Variants in UMAD1 observed in about 807,000 individuals in gnomAD.
UMAD1 encodes UBAP1-MVB12-associated (UMA)-domain containing protein 1.
A neutral mutation model predicts 6.1 loss-of-function variants in UMAD1; 8 were observed. The ratio of observed to expected loss-of-function variants is 1.30; its 90% CI spans 0.76 to 2.35. UMAD1 has a LOEUF of 2.35. Among genes scored for constraint, UMAD1 ranks in the 30% most tolerant of loss-of-function variants. The probability of loss-of-function intolerance (pLI) is 0.00; values close to 1 mark genes in which losing one functional copy is unlikely to be tolerated. For missense variants in UMAD1, 130 were observed against 78.4 expected (o/e 1.66, Z -2.49); for synonymous variants, 56 against 31.4 (o/e 1.78, Z -2.61).
intron 3 of UMAD1, among the ~76,000 whole-genome samples, chr7:7,838,159 AAG>A (rs139420815): frequency 0.055 from 8,430 of 152,206 alleles, 594 homozygotes; most frequent in East Asian, 0.2. Context: ...CATTTTCTGA[AAG>A]AGAGGCCAGA....
chr7:7,819,269 G>A (rs1191926048), intron 3 of UMAD1, among the ~76,000 whole-genome samples: 3 of 152,272 alleles, frequency 2.0e-5, no homozygotes, highest in Non-Finnish European at 2.9e-5. Context: ...TAAATGACAA[G>A]CATCTGAAGA....
At position 7,847,101 on chromosome 7, in the gene UMAD1, AAAAATATAT is replaced by A. The variant is rs1296002812; in HGVS notation, c.157-30178_157-30170del. ...AGACAGCAATGCAAAAAAAAAAAAA[AAAAATATAT>A]ATATATATATATATATATATATATA... is the stretch of plus-strand genomic sequence containing the variant. On this transcript the variant is annotated intron_variant, in intron 3 of 3. Coordinates refer to ENST00000682710, the MANE Select transcript of UMAD1 (RefSeq NM_001302348.2). Among the ~76,000 whole-genome samples, 23 of 32,138 alleles carry A rather than the reference AAAAATATAT, an allele frequency of 7.2e-4. 1 individual carries two copies. The highest frequency in any genetic ancestry group is 1.5e-3 in the African/African-American group (6 of 4,118). 21.1% of individuals were successfully genotyped at this position (32,138 alleles called of 152,430 possible). A position where few individuals can be genotyped will look rare whatever the true frequency, so the allele number is the denominator to read the frequency against.
intron 3 of UMAD1, among the ~76,000 whole-genome samples, chr7:7,852,489 T>C (rs1045410566): frequency 2.0e-5 from 3 of 152,164 alleles, no homozygotes; most frequent in African/African-American, 7.2e-5. Context: ...ACAGACCAGC[T>C]TTAAGTTGGG....
intron 1 of UMAD1, among the ~76,000 whole-genome samples, chr7:7,651,174 G>A (rs1387471061): frequency 6.6e-6 from 1 of 152,176 alleles, no homozygotes; most frequent in Non-Finnish European, 1.5e-5. Flanking sequence ...AAAAATATAT[G>A]GCTAAATCAA....
chr7:7,782,242 T>C (rs1178901828), intron 2 of UMAD1, among the ~76,000 whole-genome samples: 1 of 118,628 alleles, frequency 8.4e-6, no homozygotes, highest in Non-Finnish European at 2.0e-5. Flanking sequence ...TTAGGATAAA[T>C]AAGGGAAAAA....
chr7:7,723,294 T>C (rs1257578424), intron 2 of UMAD1, among the ~76,000 whole-genome samples: 1 of 152,100 alleles, frequency 6.6e-6, no homozygotes, highest in African/African-American at 2.4e-5. Flanking sequence ...GGAAGGAACA[T>C]AGAGTTAGAT....
intron 2 of UMAD1, among the ~76,000 whole-genome samples, chr7:7,723,828 T>C (rs1365577268): frequency 6.6e-6 from 1 of 152,208 alleles, no homozygotes; most frequent in Non-Finnish European, 1.5e-5. Context: ...ATCAGAATAG[T>C]CTGACTCGTG....
Position 7,835,832 on chromosome 7 carries a change from A to G in UMAD1, c.156+34089A>G, listed in dbSNP as rs192157861. Among the ~76,000 whole-genome samples, 9 of 151,914 alleles carry G rather than the reference A, an allele frequency of 5.9e-5. No individual in the cohort carries two copies. The East Asian group carries it at 1.3e-3, about 23-fold the overall frequency. On this transcript the variant is annotated intron_variant, in intron 3 of 3. Coordinates refer to ENST00000682710, the MANE Select transcript of UMAD1 (RefSeq NM_001302348.2). ...TGTAGTCTATTTAGTTTTTAGTTCCATTTAGTTATGAGTAATATCTTGCTT... is the reference window on the plus strand; with the variant it reads ...TGTAGTCTATTTAGTTTTTAGTTCCGTTTAGTTATGAGTAATATCTTGCTT...
At chr7:7,643,454 T>A (rs1785020752) in intron 1 of UMAD1, among the ~76,000 whole-genome samples, 1 of 152,214 alleles carries the variant, frequency 6.6e-6, no homozygotes, top group African/African-American at 2.4e-5. Context: ...CTCACGCCTG[T>A]AATCCCAGCA....
At chr7:7,821,973 CATATTACTGTAATATTACATTA>C (rs1355650403) in intron 3 of UMAD1, among the ~76,000 whole-genome samples, 1 of 152,008 alleles carries the variant, frequency 6.6e-6, no homozygotes, top group Non-Finnish European at 1.5e-5. Flanking sequence ...TATATTATTA[CATATTACTGTAATATTACATTA>C]ATATTACTTA....
In UMAD1 at chr7:7,765,981, A is replaced by C. The variant is rs371709093; in HGVS notation, c.83-35689A>C. 1.9e-4 allele frequency among the ~76,000 whole-genome samples: 29 copies of C among 152,324 alleles called. No individual in the cohort carries two copies. In the East Asian group the frequency reaches 4.0e-3, roughly 21 times the overall value. ...AACAAATGGTAGAACAGTTCTCCTC[A>C]GTTACATATCGTTGTAATAGTGGAA... On this transcript the variant is annotated intron_variant, in intron 2 of 3. Coordinates refer to ENST00000682710, the MANE Select transcript of UMAD1 (RefSeq NM_001302348.2).
At chr7:7,683,703 A>G (rs982081711) in intron 2 of UMAD1, among the ~76,000 whole-genome samples, 6 of 151,736 alleles carry the variant, frequency 4.0e-5, no homozygotes, top group African/African-American at 7.3e-5. Flanking sequence ...GTTCACTGCA[A>G]TCTCCGCCTC....
At chr7:7,862,289 A>T (rs557667470) in intron 3 of UMAD1, among the ~76,000 whole-genome samples, 1 of 152,068 alleles carries the variant, frequency 6.6e-6, no homozygotes. Context: ...TTCTTATTGT[A>T]TATGTAGATG....
intron 3 of UMAD1, among the ~76,000 whole-genome samples, chr7:7,812,511 T>C (rs1177356164): frequency 6.6e-6 from 1 of 152,232 alleles, no homozygotes; most frequent in East Asian, 1.9e-4. Flanking sequence ...ATCTAAGAAC[T>C]GGAACATTGT....
At chr7:7,751,512 A>G (rs960113065) in intron 2 of UMAD1, among the ~76,000 whole-genome samples, 10 of 152,208 alleles carry the variant, frequency 6.6e-5, no homozygotes, top group Non-Finnish European at 1.3e-4. Context: ...CAATGTGGAA[A>G]AGTCAGGGAA....
At chr7:7,670,235 G>T (rs565888186) in intron 1 of UMAD1, among the ~76,000 whole-genome samples, 2 of 152,224 alleles carry the variant, frequency 1.3e-5, no homozygotes, top group East Asian at 3.9e-4. Context: ...TGTGATATCC[G>T]TGTTTGTTCC....
At chr7:7,844,719 T>TC (rs1428789688) in intron 3 of UMAD1, among the ~76,000 whole-genome samples, 2 of 152,190 alleles carry the variant, frequency 1.3e-5, no homozygotes, top group African/African-American at 4.8e-5. Flanking sequence ...GTACATTTTT[T>TC]CTTAGGCATC....
chr7:7,726,472 A>G (rs1004557657), intron 2 of UMAD1, among the ~76,000 whole-genome samples: 1 of 152,218 alleles, frequency 6.6e-6, no homozygotes, highest in African/African-American at 2.4e-5. Context: ...TTAGGTGACA[A>G]CACTTTACAG....
intron 3 of UMAD1, among the ~76,000 whole-genome samples, chr7:7,846,129 G>A (rs1783778571): frequency 6.6e-6 from 1 of 152,076 alleles, no homozygotes; most frequent in Non-Finnish European, 1.5e-5. Context: ...TTTATTTAAT[G>A]TGTCTGTGTC....
Sources: allele counts gnomAD v4.1 joint callset (sites outside exome capture counted in the v4.1 genomes callset), GRCh38; gene constraint gnomAD v4.1.1; transcripts MANE v1.5; gene names NCBI Gene and HGNC (gene_info 2026-07-23, HGNC 2026-07-21).